Variants in IQCE observed in about 807,000 individuals in gnomAD.
The protein encoded by IQCE is IQ domain-containing protein E.
IQCE carries 115 observed loss-of-function variants against 96.0 expected under a neutral mutation model. That is an observed-to-expected ratio of 1.20 (90% CI 1.03 to 1.40). The LOEUF (loss-of-function observed/expected upper bound fraction) is 1.40, where lower values mean the gene tolerates loss of function less well. Ranked by LOEUF, IQCE falls within the 40% of genes most tolerant of loss-of-function variation. The pLI is 0.00. For missense variants in IQCE, 1,041 were observed against 909.1 expected (o/e 1.15, Z -1.87); for synonymous variants, 412 against 371.2 (o/e 1.11, Z -1.26).
At chr7:2,581,732 T>TTGTC (rs1782679282) in intron 8 of IQCE, among the ~76,000 whole-genome samples, 1 of 146,576 alleles carries the variant, frequency 6.8e-6, no homozygotes. Context: ...TTTTTTGAGA[T>TTGTC]GGAGTCTCGC....
rs777219554 is a variant in IQCE, at chr7:2,601,484, T to C, written c.1632+20T>C. 7.0e-6 allele frequency: 11 copies of C among 1,566,494 alleles called. No homozygotes were observed. The highest frequency in any genetic ancestry group is 1.4e-5 in the African/African-American group (1 of 73,794). On this transcript the variant is annotated intron_variant, in intron 18 of 21. Transcript: ENST00000402050. ...GATGAGGTAAGCGAGGTTTATTTCT[T>C]GTTTCAAAATTCGGATTTGTATTTT...
chr7:2,581,797 C>G (rs1486990448), intron 8 of IQCE, among the ~76,000 whole-genome samples: 2 of 151,724 alleles, frequency 1.3e-5, no homozygotes, highest in African/African-American at 2.4e-5. Context: ...GCAAGCTCCG[C>G]TTCCCGGGTT....
In IQCE at chr7:2,586,353, A is replaced by G. The variant is rs1783111675; in HGVS notation, c.970A>G (p.Thr324Ala). ...DLDRVLSTSP[T>A]ISKTQGYVEW... is the part of the protein sequence containing the mutation. Reference sequence around the variant, plus strand: ...GGACCGCGTGCTGAGCACCTCCCCAACCATCTCCAAGACACAGGGTACCTT... The same window carrying G: ...GGACCGCGTGCTGAGCACCTCCCCAGCCATCTCCAAGACACAGGGTACCTT... Residue 324 changes from threonine (T) to alanine (A), a missense_variant, in exon 12 of 22, where the codon ACC becomes GCC. Physicochemically the swap from Thr to Ala is moderately conservative, Grantham distance 58. Transcript: ENST00000402050. 3 of 1,612,840 alleles carry G rather than the reference A, an allele frequency of 1.9e-6. No homozygotes were observed. Among genetic ancestry groups the G allele is most frequent in the African/African-American group, 1.3e-5 (1 of 74,990 alleles).
rs866498454 is a variant in IQCE at position 2,607,497 on chromosome 7, T to G, written c.1969+270T>G. 8.5e-6 allele frequency: 11 copies of G among 1,292,864 alleles called. No individual in the cohort carries two copies. In the South Asian group the frequency reaches 9.9e-5, roughly 12 times the overall value. The allele number at this position is 1,292,864 out of a possible 1,614,324, so 80.1% of individuals were successfully genotyped here. A position where few individuals can be genotyped will look rare whatever the true frequency, so the allele number is the denominator to read the frequency against. On this transcript the variant is annotated intron_variant, in intron 21 of 21. Transcript: ENST00000402050. ...TCAGCTCCAACAGGACCGAGGTGGC[T>G]TCCTCCTTCAGGCCAGCATTTCTCC...
intron 21 of IQCE, among the ~76,000 whole-genome samples, chr7:2,608,756 C>T (rs772751860): frequency 9.9e-5 from 15 of 152,218 alleles, no homozygotes; most frequent in African/African-American, 1.4e-4. Context: ...ATTTTAAAGA[C>T]GCAAGTTCAT....
intron 12 of IQCE, among the ~76,000 whole-genome samples, chr7:2,587,434 G>A (rs1279162126): frequency 6.6e-6 from 1 of 152,126 alleles, no homozygotes; most frequent in East Asian, 1.9e-4. Context: ...AGCCAGCGAG[G>A]CAGAGGGGAG....
Position 2,590,000 on chromosome 7 carries a change from A to G in IQCE, c.1138A>G (p.Arg380Gly). Residue 380 changes from arginine (R) to glycine (G), a missense_variant, in exon 14 of 22, where the codon AGA becomes GGA. Coordinates refer to ENST00000402050, the MANE Select transcript of IQCE (RefSeq NM_152558.5). ...ACLASSSALH[R>G]QPRGDRNKDH... ...CCTTGCATCCAGCTCTGCGCTGCACAGACAGCCACGAGGGGACCGCAACAA... is the reference window on the plus strand; with the variant it reads ...CCTTGCATCCAGCTCTGCGCTGCACGGACAGCCACGAGGGGACCGCAACAA... 1 of 1,613,912 alleles carries G rather than the reference A, an allele frequency of 6.2e-7. No individual in the cohort carries two copies. Among genetic ancestry groups the G allele is most frequent in the Non-Finnish European group, 8.5e-7 (1 of 1,180,008 alleles).
At position 2,593,787 on chromosome 7, in the gene IQCE, G is replaced by T. The variant is rs145419135; in HGVS notation, c.1349+661G>T. On this transcript the variant is annotated intron_variant, in intron 15 of 21. Transcript: ENST00000402050. ...GGGCGATGTAAACGTTCTGGAATTA[G>T]AGAGGGGTGGTAGCTGCACAGCATT... 3.3e-5 allele frequency among the ~76,000 whole-genome samples: 5 copies of T among 152,358 alleles called. No individual in the cohort carries two copies. In the East Asian group the frequency reaches 7.7e-4, roughly 24 times the overall value.
intron 16 of IQCE, chr7:2,597,231 C>A (rs1784110701): frequency 4.7e-6 from 2 of 427,158 alleles, no homozygotes; most frequent in African/African-American, 4.1e-5. Flanking sequence ...CCGCACCTGG[C>A]CCTGGGTGAT....
At chr7:2,607,879 G>A (rs552171518) in intron 21 of IQCE, among the ~76,000 whole-genome samples, 1 of 152,308 alleles carries the variant, frequency 6.6e-6, no homozygotes, top group African/African-American at 2.4e-5. Flanking sequence ...GTTGAGACTC[G>A]GGACTGTCGG....
chr7:2,610,196 C>T lies in IQCE; in HGVS notation c.*34C>T, dbSNP rs759556826. The T allele has an allele frequency of 2.1e-5, 26 of 1,257,896 alleles. No individual in the cohort carries two copies. Among genetic ancestry groups the T allele is most frequent in the African/African-American group, 1.0e-4 (7 of 68,248 alleles). 77.9% of individuals were successfully genotyped at this position (1,257,896 alleles called of 1,614,324 possible). A position where few individuals can be genotyped will look rare whatever the true frequency, so the allele number is the denominator to read the frequency against. ...CACTGTCTCCACGCCGTGATGGCAG[C>T]GCTGCCGAGGACATAGGAACCACGA... On this transcript the variant is annotated 3_prime_UTR_variant, in exon 22 of 22. Transcript: ENST00000402050.
rs1414106730 is a variant in IQCE at position 2,561,258 on chromosome 7, C to G, written c.36+2041C>G. Among the ~76,000 whole-genome samples the G allele has an allele frequency of 2.0e-5, 3 of 151,540 alleles. 1 individual carries two copies. The East Asian group carries it at 5.9e-4, about 30-fold the overall frequency. The stretch of plus-strand genomic sequence containing the variant: ...CAGGCGTGAGCCATTGCTCCCAGCC[C>G]TATGTAGATCTTTGATTTCTTTCAG... On this transcript the variant is annotated intron_variant, in intron 1 of 21. Coordinates refer to ENST00000402050, the MANE Select transcript of IQCE (RefSeq NM_152558.5).
At position 2,578,366 on chromosome 7, in the gene IQCE, G is replaced by T. The variant is rs765637202; in HGVS notation, c.579+11G>T. The T allele has an allele frequency of 6.8e-6, 11 of 1,613,318 alleles. No homozygotes were observed. In the Admixed American group the frequency reaches 1.8e-4, roughly 27 times the overall value. The stretch of plus-strand genomic sequence containing the variant: ...CTGGATCCCAGCCGCGTAAGCTCCT[G>T]GCGCTTCACGGACGGGGCAAGGGGA... On this transcript the variant is annotated intron_variant, in intron 7 of 21. Coordinates refer to ENST00000402050, the MANE Select transcript of IQCE (RefSeq NM_152558.5).
intron 6 of IQCE, 23 bp downstream of exon 6, chr7:2,573,511 A>G (rs1258768243): frequency 4.7e-6 from 6 of 1,288,996 alleles, no homozygotes; most frequent in African/African-American, 1.5e-5. Context: ...TTTGTTCTCT[A>G]TTGATTTGAA....
At chr7:2,594,744 G>GGA (rs1783886634) in intron 15 of IQCE, 142 bp from the exon 16 acceptor site, 1 of 686,216 alleles carries the variant, frequency 1.5e-6, no homozygotes, top group Non-Finnish European at 2.6e-6. Context: ...TGTGGCTCAG[G>GGA]GAGACATGGC....
intron 6 of IQCE, among the ~76,000 whole-genome samples, chr7:2,575,176 A>G (rs886213708): frequency 1.3e-5 from 2 of 152,212 alleles, no homozygotes; most frequent in Non-Finnish European, 2.9e-5. Context: ...TTTCATCGCG[A>G]GACTCTGACT....
chr7:2,599,978 G>C (rs1424888856), intron 17 of IQCE, among the ~76,000 whole-genome samples: 2 of 151,974 alleles, frequency 1.3e-5, no homozygotes, highest in African/African-American at 2.4e-5. Flanking sequence ...ATTTTTATTA[G>C]AGACAGGGTT....
At chr7:2,595,040 G>A (rs1037005084) in intron 16 of IQCE, 64 bp downstream of exon 16, 5 of 1,159,784 alleles carry the variant, frequency 4.3e-6, no homozygotes, top group African/African-American at 3.0e-5. Flanking sequence ...TGACGGTTCT[G>A]ACCGTTTCCC....
chr7:2,586,035 C>A lies in IQCE; in HGVS notation c.825-173C>A, dbSNP rs60489482. Reference sequence around the variant, plus strand: ...TTCCATTTTGGGTGCTAACATTTTGCTTATTTAGAGTTCAAAGTTATTACT... The same window carrying A: ...TTCCATTTTGGGTGCTAACATTTTGATTATTTAGAGTTCAAAGTTATTACT... On this transcript the variant is annotated intron_variant, in intron 11 of 21. Coordinates refer to ENST00000402050, the MANE Select transcript of IQCE (RefSeq NM_152558.5). 9.4e-3 allele frequency among the ~76,000 whole-genome samples: 1,435 copies of A among 152,144 alleles called. 23 individuals are homozygous for A. The highest frequency in any genetic ancestry group is 0.033 in the African/African-American group (1,350 of 41,490).
Sources: allele counts gnomAD v4.1 joint callset (sites outside exome capture counted in the v4.1 genomes callset), GRCh38; gene constraint gnomAD v4.1.1; transcripts MANE v1.5; gene names NCBI Gene and HGNC (gene_info 2026-07-23, HGNC 2026-07-21).